The following MIDEAS variants were observed in gnomAD, a reference collection of about 807,000 sequenced individuals.
The protein encoded by MIDEAS is mitotic deacetylase-associated SANT domain protein.
A neutral mutation model predicts 102.7 loss-of-function variants in MIDEAS; 26 were observed. The ratio of observed to expected loss-of-function variants is 0.25; its 90% CI spans 0.19 to 0.35. MIDEAS has a LOEUF of 0.35. MIDEAS is among the 10% of genes least tolerant of loss of function. The pLI, the probability that MIDEAS is intolerant of heterozygous loss-of-function variation, is 1.00. For synonymous variants in MIDEAS, 585 were observed against 591.0 expected, an observed-to-expected ratio of 0.99 and a Z score of 0.15; for missense variants, 1,231 against 1,435.6, an observed-to-expected ratio of 0.86 and a Z score of 2.30.
chr14:73,781,840 C>A (rs183344613), intron 1 of MIDEAS, among the ~76,000 whole-genome samples: 205 of 151,964 alleles, frequency 1.3e-3, no homozygotes, highest in Admixed American at 3.3e-3. Context: ...GTGGATCACC[C>A]GAAGTCAAGG....
intron 4 of MIDEAS, 80 bp from the exon 5 acceptor site, chr14:73,727,604 T>C: frequency 7.4e-7 from 1 of 1,343,970 alleles, no homozygotes; most frequent in Non-Finnish European, 1.0e-6. Context: ...GCCCTGTATG[T>C]GCAAGAGTCA....
chr14:73,744,743 C>T (rs75025690), intron 1 of MIDEAS, among the ~76,000 whole-genome samples: 4 of 152,276 alleles, frequency 2.6e-5, no homozygotes, highest in East Asian at 1.9e-4. Context: ...GTGTTCTTCT[C>T]GCTTTGCTTC....
chr14:73,776,769 G>C (rs2053692479), intron 1 of MIDEAS, among the ~76,000 whole-genome samples: 1 of 151,942 alleles, frequency 6.6e-6, no homozygotes, highest in Admixed American at 6.6e-5. Context: ...GCAGCCTCCA[G>C]AGCCTTGCTC....
Position 73,718,744 on chromosome 14 carries a change from C to T in MIDEAS, c.*99G>A. ...TTCGCAGGGAAAAGTCCCTGCAATC[C>T]TCTCCTCACTCCCTCTTGAGATGCC... On this transcript the variant is annotated 3_prime_UTR_variant, in exon 13 of 13. Transcript: ENST00000423556. The T allele has an allele frequency of 8.2e-7, 1 of 1,216,316 alleles. No individual in the cohort carries two copies. Among genetic ancestry groups the T allele is most frequent in the Non-Finnish European group, 1.1e-6 (1 of 944,622 alleles). The allele number at this position is 1,216,316 out of a possible 1,614,324, so 75.3% of individuals were successfully genotyped here.
At chr14:73,730,691 C>T (rs997554539) in intron 3 of MIDEAS, among the ~76,000 whole-genome samples, 2 of 150,094 alleles carry the variant, frequency 1.3e-5, no homozygotes, top group Middle Eastern at 3.4e-3. Context: ...CAAGGCCGGG[C>T]GTGGTAATCT....
intron 1 of MIDEAS, among the ~76,000 whole-genome samples, chr14:73,780,884 T>C (rs929374478): frequency 3.3e-5 from 5 of 152,320 alleles, no homozygotes; most frequent in East Asian, 1.9e-4. Flanking sequence ...AGCTATTAAA[T>C]ACGCATCCCA....
chr14:73,768,435 A>G (rs913248064), intron 1 of MIDEAS, among the ~76,000 whole-genome samples: 8 of 151,978 alleles, frequency 5.3e-5, no homozygotes, highest in Non-Finnish European at 1.0e-4. Flanking sequence ...CTGGAGCCTC[A>G]TGGGCCATTC....
chr14:73,736,951 C>T (rs1566590459), intron 3 of MIDEAS, 47 bp downstream of exon 3: 1 of 1,572,418 alleles, frequency 6.4e-7, no homozygotes, highest in Non-Finnish European at 8.7e-7. Context: ...CCTGGGCCCC[C>T]TGAGCACTCA....
At chr14:73,719,926 G>C (rs1216687466) in intron 11 of MIDEAS, among the ~76,000 whole-genome samples, 6 of 151,848 alleles carry the variant, frequency 4.0e-5, no homozygotes, top group Non-Finnish European at 8.8e-5. Context: ...TCAGAGCTGA[G>C]GATCTGGTGG....
chr14:73,762,425 C>T (rs1475596631), upstream of MIDEAS, among the ~76,000 whole-genome samples: 1 of 152,176 alleles, frequency 6.6e-6, no homozygotes, highest in East Asian at 1.9e-4. Context: ...GCGGCACCGC[C>T]CTTCACTACA....
At position 73,721,313 on chromosome 14, in the gene MIDEAS, A is replaced by G. The variant is rs1468164847; in HGVS notation, c.2921T>C (p.Leu974Pro). 2 of 1,613,062 alleles carry G rather than the reference A, an allele frequency of 1.2e-6. No homozygotes were observed. Among genetic ancestry groups the G allele is most frequent in the Non-Finnish European group, 1.7e-6 (2 of 1,179,972 alleles). The change falls in exon 11 of 13, where the codon CTA becomes CCA. Residue 974 changes from leucine (L) to proline (P), a missense_variant. Coordinates refer to ENST00000423556, the MANE Select transcript of MIDEAS (RefSeq NM_001367710.1). ...CACACTCACCGACTCATTGGCCTGT[A>G]GTGTCTGCGTGGCTTTGACTGCCGC... Reference protein sequence around the residue: ...RAAAVKATQTLQANESASDIL... With the variant: ...RAAAVKATQTPQANESASDIL...
In MIDEAS at chr14:73,752,369, G is replaced by A. The variant is rs1355676273; in HGVS notation, c.-248+7394C>T. On this transcript the variant is annotated intron_variant, in intron 1 of 12. Coordinates refer to ENST00000423556, the MANE Select transcript of MIDEAS (RefSeq NM_001367710.1). The stretch of plus-strand genomic sequence containing the variant: ...TGCCAGGTCCTTGACATTCGTCTGG[G>A]GGAGGTAAAGCAGGGGGTGTAGCAT... 3.9e-5 allele frequency among the ~76,000 whole-genome samples: 6 copies of A among 152,234 alleles called. No individual in the cohort carries two copies. In the South Asian group the frequency reaches 1.0e-3, roughly 26 times the overall value.
chr14:73,756,295 T>TGTGTGCGCGCGCGC (rs55692592), intron 1 of MIDEAS, among the ~76,000 whole-genome samples: 5 of 127,718 alleles, frequency 3.9e-5, no homozygotes, highest in African/African-American at 1.3e-4. Flanking sequence ...TGTGTGTGTG[T>TGTGTGCGCGCGCGC]GCGCGCGCGC....
chr14:73,765,755 A>C (rs987957844), intron 1 of MIDEAS, among the ~76,000 whole-genome samples: 1 of 151,858 alleles, frequency 6.6e-6, no homozygotes, highest in African/African-American at 2.4e-5. Flanking sequence ...ATTATCCCAC[A>C]CCCAGATCTC....
Position 73,729,811 on chromosome 14 carries a change from C to T in MIDEAS, c.1924G>A (p.Asp642Asn). 1 of 1,612,406 alleles carries T rather than the reference C, an allele frequency of 6.2e-7. No homozygotes were observed. Among genetic ancestry groups the T allele is most frequent in the Middle Eastern group, 1.7e-4 (1 of 6,054 alleles). The part of the protein sequence containing the change: ...SHLRSPVRLA[D>N]HPSERSFELP... Reference sequence around the variant, plus strand: ...TCAAAGCTCCGCTCAGAGGGGTGGTCAGCTAGGCGCACGGGAGAGCGCAGG... The same window carrying T: ...TCAAAGCTCCGCTCAGAGGGGTGGTTAGCTAGGCGCACGGGAGAGCGCAGG... The change falls in exon 4 of 13, where the codon GAC becomes AAC. Residue 642 changes from aspartate (D) to asparagine (N), a missense_variant. Physicochemically the swap from Asp to Asn is conservative, Grantham distance 23. Transcript: ENST00000423556.
At chr14:73,762,796 C>T (rs985330714), upstream of MIDEAS, among the ~76,000 whole-genome samples, 34 of 152,170 alleles carry the variant, frequency 2.2e-4, no homozygotes, top group Admixed American at 2.2e-3. Flanking sequence ...TTTTCTCCAC[C>T]CTCAACCCTC....
At chr14:73,738,285 A>G (rs923186073) in intron 2 of MIDEAS, among the ~76,000 whole-genome samples, 2 of 152,182 alleles carry the variant, frequency 1.3e-5, no homozygotes, top group East Asian at 3.9e-4. Context: ...AATCCCAGCT[A>G]CTCGGGGAGG....
rs1308592159 is a variant in MIDEAS, at chr14:73,730,004, CAA to C, written c.1750-21_1750-20del. On this transcript the variant is annotated intron_variant, in intron 3 of 12. Coordinates refer to ENST00000423556, the MANE Select transcript of MIDEAS (RefSeq NM_001367710.1). The stretch of plus-strand genomic sequence containing the variant: ...CCTCTGCCTGGAGAAGGAAAGAAAA[CAA>C]GGACGGCTCAGCCCCCCGTGTCCCA... 1.5e-5 allele frequency: 24 copies of C among 1,603,600 alleles called. No homozygotes were observed. The highest frequency in any genetic ancestry group is 2.0e-5 in the Non-Finnish European group (24 of 1,173,036).
At chr14:73,736,407 G>A (rs959428897) in intron 3 of MIDEAS, among the ~76,000 whole-genome samples, 3 of 152,116 alleles carry the variant, frequency 2.0e-5, no homozygotes, top group East Asian at 1.9e-4. Flanking sequence ...TGAGGTGGGC[G>A]GATCACGAGG....
Sources: allele counts gnomAD v4.1 joint callset (sites outside exome capture counted in the v4.1 genomes callset), GRCh38; gene constraint gnomAD v4.1.1; transcripts MANE v1.5; gene names NCBI Gene and HGNC (gene_info 2026-07-23, HGNC 2026-07-21).